SNAP25: variants seen among roughly 807,000 people sequenced by gnomAD.
The protein encoded by SNAP25 is synaptosome associated protein 25, also known as synaptosomal-associated protein 25.
In SNAP25, 3 loss-of-function variants were observed where a neutral mutation model predicts 28.7. That is an observed-to-expected ratio of 0.10 (90% CI 0.05 to 0.27). The LOEUF (loss-of-function observed/expected upper bound fraction) is 0.27. SNAP25 is among the 10% of genes least tolerant of loss of function. The probability of loss-of-function intolerance (pLI) is 1.00; values close to 1 mark genes in which losing one functional copy is unlikely to be tolerated. For missense variants in SNAP25, 117 were observed against 278.7 expected, an observed-to-expected ratio of 0.42 and a Z score of 4.13; for synonymous variants, 61 against 88.1, an observed-to-expected ratio of 0.69 and a Z score of 1.72.
chr20:10,280,443 A>G (rs1434278509), intron 3 of SNAP25, among the ~76,000 whole-genome samples: 2 of 152,234 alleles, frequency 1.3e-5, no homozygotes, highest in Non-Finnish European at 2.9e-5. Context: ...CAGAATGCCT[A>G]ACTCCGGGAT....
chr20:10,259,957 A>G (rs552536946), intron 1 of SNAP25, among the ~76,000 whole-genome samples: 24 of 152,164 alleles, frequency 1.6e-4, no homozygotes, highest in Non-Finnish European at 2.5e-4. Context: ...ACCTGATCCA[A>G]CGTCCCATCT....
At chr20:10,291,749 G>A (rs2064003034) in intron 4 of SNAP25, among the ~76,000 whole-genome samples, 3 of 152,114 alleles carry the variant, frequency 2.0e-5, no homozygotes, top group Admixed American at 6.5e-5. Context: ...TTGTATTCTA[G>A]GCATGCCTTT....
intron 1 of SNAP25, among the ~76,000 whole-genome samples, chr20:10,234,145 T>C (rs2122688364): frequency 6.6e-6 from 1 of 151,076 alleles, no homozygotes; most frequent in South Asian, 2.1e-4. Context: ...TTAATGATCC[T>C]TGTTTCTTTT....
intron 1 of SNAP25, among the ~76,000 whole-genome samples, chr20:10,228,171 A>G (rs1018714849): frequency 4.6e-5 from 7 of 152,112 alleles, no homozygotes; most frequent in African/African-American, 1.4e-4. Flanking sequence ...TCTGCATCCA[A>G]CTTTCTCCAG....
At chr20:10,277,603 G>C in intron 2 of SNAP25, 82 bp from the exon 3 acceptor site, 1 of 1,207,112 alleles carries the variant, frequency 8.3e-7, no homozygotes, top group Non-Finnish European at 1.2e-6. Flanking sequence ...TGTTTCTCAA[G>C]TAAATAAAGT....
chr20:10,270,040 G>A (rs1259806194), intron 1 of SNAP25, among the ~76,000 whole-genome samples: 3 of 151,982 alleles, frequency 2.0e-5, no homozygotes, highest in African/African-American at 7.3e-5. Flanking sequence ...GATCACCTGA[G>A]GTCAGGAGTT....
At chr20:10,280,654 A>G (rs1368989485) in intron 3 of SNAP25, among the ~76,000 whole-genome samples, 2 of 152,208 alleles carry the variant, frequency 1.3e-5, no homozygotes, top group African/African-American at 4.8e-5. Flanking sequence ...CAGGAAATGG[A>G]GTCTGCACAT....
intron 1 of SNAP25, among the ~76,000 whole-genome samples, chr20:10,244,878 G>A (rs1178450325): frequency 9.9e-5 from 15 of 151,804 alleles, no homozygotes; most frequent in South Asian, 4.2e-4. Flanking sequence ...TTACAGGCAC[G>A]CGCCACCAAG....
At position 10,239,037 on chromosome 20, in the gene SNAP25, G is replaced by T. The variant is rs558976780; in HGVS notation, c.-64+20060G>T. Among the ~76,000 whole-genome samples, 7 of 152,244 alleles carry T rather than the reference G, an allele frequency of 4.6e-5. 1 individual carries two copies. In the East Asian group the frequency reaches 1.2e-3, roughly 25 times the overall value. Reference sequence around the variant, plus strand: ...ACACAGGCCAAAAACAAAAAATAAAGTTAGACCACAACATAATGTGACAGA... The same window carrying T: ...ACACAGGCCAAAAACAAAAAATAAATTTAGACCACAACATAATGTGACAGA... On this transcript the variant is annotated intron_variant, in intron 1 of 7. Coordinates refer to ENST00000254976, the MANE Select transcript of SNAP25 (RefSeq NM_130811.4).
intron 1 of SNAP25, among the ~76,000 whole-genome samples, chr20:10,261,967 C>T (rs555722262): frequency 6.6e-5 from 10 of 152,234 alleles, no homozygotes; most frequent in African/African-American, 2.4e-4. Flanking sequence ...AGTGCCAAAA[C>T]GCAATGAGTT....
At chr20:10,229,735 T>C (rs949630210) in intron 1 of SNAP25, among the ~76,000 whole-genome samples, 2 of 152,242 alleles carry the variant, frequency 1.3e-5, no homozygotes, top group Admixed American at 1.3e-4. Context: ...GAGTGGCAGG[T>C]TATACTTCAC....
intron 1 of SNAP25, among the ~76,000 whole-genome samples, chr20:10,255,526 A>G (rs1293477313): frequency 1.3e-5 from 2 of 152,180 alleles, no homozygotes; most frequent in African/African-American, 4.8e-5. Flanking sequence ...ACTGTGGTCT[A>G]TACACTACCT....
At chr20:10,269,464 A>G (rs2063556474) in intron 1 of SNAP25, among the ~76,000 whole-genome samples, 2 of 152,338 alleles carry the variant, frequency 1.3e-5, no homozygotes, top group Non-Finnish European at 2.9e-5. Flanking sequence ...TAGAAGCTCC[A>G]TGAAAAGGGG....
At chr20:10,282,233 G>A (rs2063794446) in intron 3 of SNAP25, among the ~76,000 whole-genome samples, 1 of 151,198 alleles carries the variant, frequency 6.6e-6, no homozygotes, top group Admixed American at 6.6e-5. Context: ...GGAAGGGAAA[G>A]GAAGGAAGGA....
At chr20:10,259,269 C>T (rs1379336592) in intron 1 of SNAP25, among the ~76,000 whole-genome samples, 1 of 152,158 alleles carries the variant, frequency 6.6e-6, no homozygotes, top group Non-Finnish European at 1.5e-5. Flanking sequence ...TTTTGTTTCT[C>T]TCACCTCCAT....
At position 10,246,040 on chromosome 20, in the gene SNAP25, A is replaced by G. The variant is rs1273247706; in HGVS notation, c.-64+27063A>G. 7.2e-5 allele frequency among the ~76,000 whole-genome samples: 11 copies of G among 152,324 alleles called. No individual in the cohort carries two copies. In the East Asian group the frequency reaches 2.1e-3, roughly 29 times the overall value. ...CTAGTGAGTGTCCTCAAGCATTGAC[A>G]TTATTTAATGGAATTCATTTTATGC... is the stretch of plus-strand genomic sequence containing the variant. On this transcript the variant is annotated intron_variant, in intron 1 of 7. Coordinates refer to ENST00000254976, the MANE Select transcript of SNAP25 (RefSeq NM_130811.4).
intron 1 of SNAP25, among the ~76,000 whole-genome samples, chr20:10,253,478 AG>A (rs2063265875): frequency 6.6e-6 from 1 of 152,150 alleles, no homozygotes; most frequent in African/African-American, 2.4e-5. Context: ...GGGATGATGA[AG>A]GCACCCACAT....
chr20:10,270,255 A>T (rs1426329757), intron 1 of SNAP25, among the ~76,000 whole-genome samples: 1 of 152,168 alleles, frequency 6.6e-6, no homozygotes, highest in African/African-American at 2.4e-5. Context: ...ACTCTATCTC[A>T]AAAACAGCAA....
At chr20:10,297,962 T>A (rs961972569) in intron 6 of SNAP25, among the ~76,000 whole-genome samples, 4 of 151,832 alleles carry the variant, frequency 2.6e-5, no homozygotes, top group Admixed American at 1.3e-4. Flanking sequence ...AAGTTCAAAT[T>A]ATGACTCAGG....
Sources: allele counts gnomAD v4.1 joint callset (sites outside exome capture counted in the v4.1 genomes callset), GRCh38; gene constraint gnomAD v4.1.1; transcripts MANE v1.5; gene names NCBI Gene and HGNC (gene_info 2026-07-23, HGNC 2026-07-21).